The following FRMPD1 variants were observed in gnomAD, a reference collection of about 807,000 sequenced individuals.
FRMPD1 encodes FERM and PDZ domain-containing protein 1.
Under a neutral mutation model 117.8 loss-of-function variants are expected in FRMPD1, and 76 were observed. That is an observed-to-expected ratio of 0.65 (90% CI 0.54 to 0.78). The LOEUF is 0.78. FRMPD1 is among the 30% of genes least tolerant of loss of function. The pLI, the probability that FRMPD1 is intolerant of heterozygous loss-of-function variation, is 0.00. For missense variants in FRMPD1, 1,786 were observed against 1,964.5 expected (o/e 0.91, Z 1.72); for synonymous variants, 783 against 770.4 (o/e 1.02, Z -0.27).
rs62533879 is a variant in FRMPD1, at chr9:37,673,044, C to G, written c.-4-19594C>G. On this transcript the variant is annotated intron_variant, in intron 1 of 15. Transcript: ENST00000377765. Reference sequence around the variant, plus strand: ...CATTTCAAAACCAATCATGCCTTCCCAATAGTTCCCCAAAGTCTTAATTCA... The same window carrying G: ...CATTTCAAAACCAATCATGCCTTCCGAATAGTTCCCCAAAGTCTTAATTCA... 5.2e-3 allele frequency among the ~76,000 whole-genome samples: 790 copies of G among 152,260 alleles called. 8 individuals carry two copies. The highest frequency in any genetic ancestry group is 6.8e-3 in the Non-Finnish European group (460 of 68,018).
At chr9:37,724,610 A>G (rs961710797) in intron 7 of FRMPD1, among the ~76,000 whole-genome samples, 2 of 152,208 alleles carry the variant, frequency 1.3e-5, no homozygotes, top group African/African-American at 4.8e-5. Context: ...GCCTTCACCC[A>G]TAACCACCAG....
intron 1 of FRMPD1, among the ~76,000 whole-genome samples, chr9:37,655,598 G>A (rs1014074268): frequency 1.2e-4 from 18 of 148,152 alleles, no homozygotes; most frequent in African/African-American, 4.3e-4. Context: ...CTGCCTCCCG[G>A]GTTCAAGCAA....
intron 7 of FRMPD1, among the ~76,000 whole-genome samples, chr9:37,728,908 A>G (rs999707864): frequency 1.3e-5 from 2 of 150,938 alleles, no homozygotes; most frequent in African/African-American, 4.9e-5. Flanking sequence ...GGTTGCAGTG[A>G]GCTGAGATCA....
chr9:37,735,047 A>C (rs1284539689), intron 12 of FRMPD1, among the ~76,000 whole-genome samples: 1 of 152,238 alleles, frequency 6.6e-6, no homozygotes, highest in East Asian at 1.9e-4. Flanking sequence ...TGTTGTCAAG[A>C]AACTTAATGT....
At chr9:37,605,956 C>T in the FRMPD1 span, among the ~76,000 whole-genome samples, 1 of 152,152 alleles carries the variant, frequency 6.6e-6, no homozygotes, top group Non-Finnish European at 1.5e-5. Flanking sequence ...ATCCTTCCAC[C>T]TCAGCCTCCC....
At chr9:37,648,772 A>C (rs1272847434), upstream of FRMPD1, among the ~76,000 whole-genome samples, 2 of 152,150 alleles carry the variant, frequency 1.3e-5, no homozygotes, top group East Asian at 3.8e-4. Flanking sequence ...GAAGCAATGC[A>C]AAAGGGGTAA....
At chr9:37,713,123 G>A (rs1822972341) in intron 5 of FRMPD1, among the ~76,000 whole-genome samples, 1 of 151,904 alleles carries the variant, frequency 6.6e-6, no homozygotes, top group South Asian at 2.1e-4. Context: ...ACTTTCATTT[G>A]GATTTAACAA....
chr9:37,698,788 C>T (rs189167383), intron 2 of FRMPD1, among the ~76,000 whole-genome samples: 28 of 151,576 alleles, frequency 1.8e-4, no homozygotes, highest in Non-Finnish European at 3.8e-4. Flanking sequence ...GCCCAGGCTG[C>T]GGTGCAATGG....
Position 37,735,739 on chromosome 9 carries a change from C to A in FRMPD1, c.1401+5C>A. 6.2e-7 allele frequency: 1 copy of A among 1,604,226 alleles called. No individual in the cohort carries two copies. The highest frequency in any genetic ancestry group is 8.5e-7 in the Non-Finnish European group (1 of 1,171,746). The stretch of plus-strand genomic sequence containing the variant: ...GTGTATCTTCAGGACGTCAAGGTAA[C>A]ACAATGGGGAGAGATTCTGAATTCA... On this transcript the variant is annotated splice_donor_5th_base_variant and intron_variant, in intron 13 of 15. Transcript: ENST00000377765.
At chr9:37,606,077 AC>A in the FRMPD1 span, among the ~76,000 whole-genome samples, 1 of 152,084 alleles carries the variant, frequency 6.6e-6, no homozygotes, top group Non-Finnish European at 1.5e-5. Flanking sequence ...TAATCTGTAG[AC>A]CCCTGGATGA....
chr9:37,678,011 C>T (rs1010135171), intron 1 of FRMPD1, among the ~76,000 whole-genome samples: 4 of 152,078 alleles, frequency 2.6e-5, no homozygotes, highest in African/African-American at 7.2e-5. Flanking sequence ...TGGATATTAG[C>T]ATTGATTCAG....
Position 37,745,073 on chromosome 9 carries a change from C to T in FRMPD1, c.3041C>T (p.Ser1014Phe). ...ATAGAGCATGGAGACAGCTCCTTCT[C>T]CCTCTCCAGTGGTGACCCTAACCCA... ...PTIEHGDSSF[S>F]LSSGDPNPDR... Residue 1014 changes from serine to phenylalanine, a missense_variant, in exon 16 of 16, where the codon TCC becomes TTC. Ser to Phe is a radical substitution (Grantham distance 155). Coordinates refer to ENST00000377765, the MANE Select transcript of FRMPD1 (RefSeq NM_014907.3). 6.2e-7 allele frequency: 1 copy of T among 1,614,158 alleles called. No homozygotes were observed. The highest frequency in any genetic ancestry group is 1.1e-5 in the South Asian group (1 of 91,082).
At chr9:37,687,682 G>T (rs1178875824) in intron 1 of FRMPD1, among the ~76,000 whole-genome samples, 1 of 152,190 alleles carries the variant, frequency 6.6e-6, no homozygotes, top group Non-Finnish European at 1.5e-5. Context: ...CTTGGCAAAG[G>T]AACATTAAAT....
chr9:37,714,891 G>T (rs1186201776), intron 5 of FRMPD1, among the ~76,000 whole-genome samples: 1 of 152,060 alleles, frequency 6.6e-6, no homozygotes, highest in African/African-American at 2.4e-5. Flanking sequence ...CAAGTGATCC[G>T]TCTGCCTCGG....
chr9:37,717,291 G>A (rs1344879231), intron 5 of FRMPD1, among the ~76,000 whole-genome samples: 4 of 142,492 alleles, frequency 2.8e-5, no homozygotes, highest in Admixed American at 7.0e-5. Context: ...GGATTTTGCC[G>A]AGAAAAAAAA....
At chr9:37,668,512 C>G (rs1821240661) in intron 1 of FRMPD1, 1 of 152,256 alleles carries the variant, frequency 6.6e-6, no homozygotes, top group African/African-American at 2.4e-5. Flanking sequence ...GAGCAGTGTC[C>G]TGGGATGGAG....
At chr9:37,665,530 A>G (rs1385763342) in intron 1 of FRMPD1, among the ~76,000 whole-genome samples, 3 of 152,138 alleles carry the variant, frequency 2.0e-5, no homozygotes, top group African/African-American at 7.2e-5. Context: ...GGGGAAGGAA[A>G]TAGATTGATT....
chr9:37,643,291 C>T, the FRMPD1 span, among the ~76,000 whole-genome samples: 2 of 152,016 alleles, frequency 1.3e-5, no homozygotes, highest in East Asian at 3.9e-4. Context: ...TTGCTTTGCT[C>T]CTTTGTTATT....
chr9:37,743,520 CTTTTTTTT>C (rs531949141), intron 15 of FRMPD1, among the ~76,000 whole-genome samples: 1 of 40,934 alleles, frequency 2.4e-5, no homozygotes, highest in Admixed American at 3.8e-4. Context: ...AATGGCTCTG[CTTTTTTTT>C]TTTTTTTTTT....
Sources: gnomAD v4.1 joint callset for allele counts (sites outside exome capture counted in the v4.1 genomes callset) on GRCh38, gnomAD v4.1.1 for gene constraint, MANE v1.5 for transcripts, NCBI Gene and HGNC (gene_info 2026-07-23, HGNC 2026-07-21) for gene names.